ATG10: variants seen among roughly 807,000 people sequenced by gnomAD.
ATG10 encodes ubiquitin-like-conjugating enzyme ATG10.
ATG10 carries 30 observed loss-of-function variants against 32.1 expected under a neutral mutation model. That is an observed-to-expected ratio of 0.94 (90% confidence interval 0.70 to 1.27). The LOEUF is 1.27. Among genes scored for constraint, ATG10 ranks in the 50% most tolerant of loss-of-function variants. The pLI, the probability that ATG10 is intolerant of heterozygous loss-of-function variation, is 0.00. For synonymous variants in ATG10, 87 were observed against 91.5 expected, an observed-to-expected ratio of 0.95 and a Z score of 0.28; for missense variants, 233 against 262.3, an observed-to-expected ratio of 0.89 and a Z score of 0.77.
At chr5:82,043,651 A>T (rs1763152748) in intron 2 of ATG10, among the ~76,000 whole-genome samples, 1 of 152,224 alleles carries the variant, frequency 6.6e-6, no homozygotes, top group Non-Finnish European at 1.5e-5. Context: ...AATTTTAGAA[A>T]CAGCCAAGTT....
At chr5:82,171,625 A>G (rs1164740575) in intron 4 of ATG10, among the ~76,000 whole-genome samples, 3 of 152,198 alleles carry the variant, frequency 2.0e-5, no homozygotes, top group South Asian at 4.1e-4. Flanking sequence ...TTATCTCCCA[A>G]ATTGGAAGTG....
At chr5:81,980,113 T>C (rs1038979045) in intron 1 of ATG10, among the ~76,000 whole-genome samples, 2 of 152,198 alleles carry the variant, frequency 1.3e-5, no homozygotes, top group Non-Finnish European at 2.9e-5. Context: ...TACTGTTACG[T>C]GTTTGAATTT....
intron 3 of ATG10, among the ~76,000 whole-genome samples, chr5:82,062,410 T>C (rs900135276): frequency 2.6e-5 from 4 of 152,094 alleles, no homozygotes; most frequent in African/African-American, 9.7e-5. Flanking sequence ...AGTGCTAGAC[T>C]TGGAGATAGA....
chr5:82,031,618 T>C (rs997164470), intron 2 of ATG10, among the ~76,000 whole-genome samples: 1 of 152,136 alleles, frequency 6.6e-6, no homozygotes, highest in Non-Finnish European at 1.5e-5. Flanking sequence ...ATGCAGTAAA[T>C]AGTAATTAGA....
At position 82,038,862 on chromosome 5, in the gene ATG10, A is replaced by G. The variant is rs1238107223; in HGVS notation, c.109-19633A>G. On this transcript the variant is annotated intron_variant, in intron 2 of 7. Transcript: ENST00000282185. ...TATAAGTGATATTGTTTAATTAATT[A>G]ATTTAGACTGAATCTTGCTCTGTCG... is the stretch of plus-strand genomic sequence containing the variant. 3.3e-5 allele frequency among the ~76,000 whole-genome samples: 5 copies of G among 152,162 alleles called. No individual in the cohort carries two copies. The East Asian group carries it at 5.8e-4, about 18-fold the overall frequency.
chr5:81,972,548 G>C (rs1211036237), intron 1 of ATG10: 2 of 152,248 alleles, frequency 1.3e-5, no homozygotes, highest in African/African-American at 4.8e-5. Context: ...TCGCGCACAC[G>C]GTGTCACCAG....
At chr5:81,985,383 C>A (rs938842200) in intron 1 of ATG10, among the ~76,000 whole-genome samples, 1 of 151,928 alleles carries the variant, frequency 6.6e-6, no homozygotes, top group Non-Finnish European at 1.5e-5. Context: ...GAAATGGGTT[C>A]TGTTACCATC....
At position 82,144,830 on chromosome 5, in the gene ATG10, C is replaced by T. The variant is rs1332360102; in HGVS notation, c.217-19569C>T. Among the ~76,000 whole-genome samples, 4 of 152,130 alleles carry T rather than the reference C, an allele frequency of 2.6e-5. No individual in the cohort carries two copies. The East Asian group carries it at 7.7e-4, about 29-fold the overall frequency. ...AAATGTTAATTAGGTCATAAGTCCT[C>T]TTTGTTTTGACTAAAATTTTTTTTA... On this transcript the variant is annotated intron_variant, in intron 3 of 7. Transcript: ENST00000282185.
intron 2 of ATG10, among the ~76,000 whole-genome samples, chr5:82,051,194 A>T (rs1170552553): frequency 1.3e-5 from 2 of 152,154 alleles, no homozygotes; most frequent in African/African-American, 4.8e-5. Flanking sequence ...ATTAGGTCAC[A>T]GAAATGAAAG....
chr5:82,028,994 G>A (rs1157969329), intron 2 of ATG10, among the ~76,000 whole-genome samples: 1 of 152,044 alleles, frequency 6.6e-6, no homozygotes, highest in Admixed American at 6.6e-5. Context: ...GACAAGTAGA[G>A]CAACATTTGT....
chr5:82,202,718 T>C (rs1180410079), intron 5 of ATG10, among the ~76,000 whole-genome samples: 1 of 151,990 alleles, frequency 6.6e-6, no homozygotes, highest in Admixed American at 6.5e-5. Context: ...CTAGTACTAC[T>C]CTTGAGCAAA....
intron 1 of ATG10, among the ~76,000 whole-genome samples, chr5:81,980,646 G>GTT (rs879908114): frequency 1.4e-5 from 2 of 145,842 alleles, no homozygotes; most frequent in Admixed American, 6.9e-5. Context: ...ATAATTTATA[G>GTT]TTTTTTTTTT....
At chr5:82,167,409 G>A (rs992621686) in intron 4 of ATG10, among the ~76,000 whole-genome samples, 1 of 152,154 alleles carries the variant, frequency 6.6e-6, no homozygotes, top group Non-Finnish European at 1.5e-5. Flanking sequence ...GGCTTATTCA[G>A]CTGTGGCACA....
chr5:82,129,057 T>C (rs1766400270), intron 3 of ATG10, among the ~76,000 whole-genome samples: 2 of 151,384 alleles, frequency 1.3e-5, no homozygotes, highest in Non-Finnish European at 3.0e-5. Context: ...TTTCATTCTT[T>C]TTCTCTAATC....
At chr5:82,211,764 C>T (rs574247387) in intron 5 of ATG10, among the ~76,000 whole-genome samples, 68 of 152,318 alleles carry the variant, frequency 4.5e-4, no homozygotes, top group African/African-American at 1.6e-3. Context: ...TATTTCAACT[C>T]TAGCGTCCCC....
At chr5:82,137,717 CTG>C (rs1766822607) in intron 3 of ATG10, among the ~76,000 whole-genome samples, 1 of 152,194 alleles carries the variant, frequency 6.6e-6, no homozygotes, top group African/African-American at 2.4e-5. Flanking sequence ...AGGAGGCAGT[CTG>C]TCTCTTAGCA....
intron 5 of ATG10, among the ~76,000 whole-genome samples, chr5:82,182,624 TTGCAGA>T (rs1744278604): frequency 6.6e-6 from 1 of 152,102 alleles, no homozygotes; most frequent in Admixed American, 6.6e-5. Context: ...ATCCCAGAAG[TTGCAGA>T]GTGTTTGATT....
intron 3 of ATG10, among the ~76,000 whole-genome samples, chr5:82,138,766 C>CT (rs1766885744): frequency 1.3e-5 from 2 of 149,766 alleles, no homozygotes; most frequent in African/African-American, 4.9e-5. Flanking sequence ...AACATTATTA[C>CT]TATTTAAATT....
At chr5:82,127,719 A>G (rs1391904613) in intron 3 of ATG10, among the ~76,000 whole-genome samples, 2 of 152,238 alleles carry the variant, frequency 1.3e-5, no homozygotes. Flanking sequence ...TTGATTTTAG[A>G]ATAAGTGCTA....
Sources: gnomAD v4.1 joint callset for allele counts (sites outside exome capture counted in the v4.1 genomes callset) on GRCh38, gnomAD v4.1.1 for gene constraint, MANE v1.5 for transcripts, NCBI Gene and HGNC (gene_info 2026-07-23, HGNC 2026-07-21) for gene names.